Variants in PHKA1 observed in about 807,000 individuals in gnomAD.
PHKA1 encodes phosphorylase b kinase regulatory subunit alpha, skeletal muscle isoform.
A neutral mutation model predicts 110.2 loss-of-function variants in PHKA1; 60 were observed. The ratio of observed to expected loss-of-function variants is 0.54; its 90% CI spans 0.44 to 0.68. The LOEUF (loss-of-function observed/expected upper bound fraction) is 0.68. Ranked by LOEUF, PHKA1 falls within the 30% of genes least tolerant of loss-of-function variation. The pLI is 0.00. For synonymous variants in PHKA1, 316 were observed against 333.6 expected (o/e 0.95, Z 0.58); for missense variants, 801 against 942.5 (o/e 0.85, Z 1.97).
At chrX:72,663,647 T>C (rs2053585716) in intron 8 of PHKA1, among the ~76,000 whole-genome samples, 1 of 106,972 alleles carries the variant, frequency 9.3e-6, no homozygotes, top group Non-Finnish European at 1.9e-5. Context: ...TAAAGTTACA[T>C]ATAAGGGAAT....
At chrX:72,689,242 T>C (rs1201091813) in intron 4 of PHKA1, among the ~76,000 whole-genome samples, 1 of 112,164 alleles carries the variant, frequency 8.9e-6, no homozygotes, top group Admixed American at 9.4e-5. Context: ...TGCACAGTTA[T>C]GCGACCATCA....
intron 12 of PHKA1, among the ~76,000 whole-genome samples, chrX:72,651,472 G>A (rs2053428690): frequency 9.0e-6 from 1 of 111,150 alleles, no homozygotes; most frequent in East Asian, 2.8e-4. Context: ...GGAGGCGGAG[G>A]TTGTGGTGAG....
At position 72,609,718 on chromosome X, in the gene PHKA1, CATA is replaced by C. The variant is rs1436675554; in HGVS notation, c.2527-18_2527-16del. ...TCTGTGCAGGCCTAACAAGAGATAG[CATA>C]ATATTATCGTTTCTGTAACACCTCA... On this transcript the variant is annotated splice_polypyrimidine_tract_variant and intron_variant, in intron 22 of 31. Coordinates refer to ENST00000373542, the MANE Select transcript of PHKA1 (RefSeq NM_002637.4). 2 of 1,135,776 alleles carry C rather than the reference CATA, an allele frequency of 1.8e-6. No homozygotes were observed. The highest frequency in any genetic ancestry group is 2.4e-6 in the Non-Finnish European group (2 of 826,497). 93.6% of individuals were successfully genotyped at this position (1,135,776 alleles called of 1,213,427 possible). A position where few individuals can be genotyped will look rare whatever the true frequency, so the allele number is the denominator to read the frequency against.
intron 7 of PHKA1, among the ~76,000 whole-genome samples, chrX:72,666,827 T>C (rs1556306599): frequency 2.7e-5 from 3 of 112,160 alleles, no homozygotes; most frequent in African/African-American, 9.7e-5. Context: ...TTATATTCAA[T>C]AGGACCCTAT....
intron 4 of PHKA1, among the ~76,000 whole-genome samples, chrX:72,694,171 C>G (rs1369794364): frequency 1.8e-5 from 2 of 111,744 alleles, no homozygotes; most frequent in African/African-American, 3.3e-5. Context: ...CTGTGAAGAT[C>G]TTGCATACTA....
chrX:72,591,154 G>A (rs1556224327), intron 29 of PHKA1, among the ~76,000 whole-genome samples: 1 of 111,738 alleles, frequency 8.9e-6, no homozygotes, highest in Non-Finnish European at 1.9e-5. Context: ...AAAGACTTGG[G>A]ACCAATGCAA....
chrX:72,668,300 G>A (rs782725208), intron 6 of PHKA1, among the ~76,000 whole-genome samples: 1 of 111,876 alleles, frequency 8.9e-6, no homozygotes, highest in African/African-American at 3.2e-5. Context: ...TTCATTTTGA[G>A]TTATTTTGTA....
intron 5 of PHKA1, among the ~76,000 whole-genome samples, chrX:72,677,313 T>G (rs900370807): frequency 3.6e-5 from 4 of 112,325 alleles, no homozygotes; most frequent in African/African-American, 1.3e-4. Flanking sequence ...CCTCATCACT[T>G]GGTTAACGTG....
In PHKA1 at chrX:72,709,231, G is replaced by A. The variant is rs73218383; in HGVS notation, c.237+3548C>T. On this transcript the variant is annotated intron_variant, in intron 2 of 31. Transcript: ENST00000373542. The stretch of plus-strand genomic sequence containing the variant: ...AAAACTTAGCACAAAGAACTGGAGT[G>A]AGGCCCAGAGATGAAGCTGAAATTT... Among the ~76,000 whole-genome samples, 974 of 110,929 alleles carry A rather than the reference G, an allele frequency of 8.8e-3. 8 individuals carry two copies. The highest frequency in any genetic ancestry group is 0.015 in the Non-Finnish European group (821 of 52,970).
intron 28 of PHKA1, among the ~76,000 whole-genome samples, chrX:72,595,097 G>C (rs782340459): frequency 8.9e-6 from 1 of 112,019 alleles, no homozygotes; most frequent in South Asian, 3.7e-4. Context: ...TATACAACAT[G>C]AAGTGGGACT....
intron 10 of PHKA1, among the ~76,000 whole-genome samples, chrX:72,654,891 G>A (rs1434467199): frequency 2.9e-5 from 3 of 102,524 alleles, no homozygotes; most frequent in African/African-American, 1.1e-4. Context: ...TCCGCCTCCC[G>A]GGTTCACGCC....
chrX:72,600,461 T>C (rs190225039), intron 28 of PHKA1, among the ~76,000 whole-genome samples: 2 of 112,413 alleles, frequency 1.8e-5, no homozygotes, highest in East Asian at 5.6e-4. Flanking sequence ...AATGCCAATG[T>C]AACTAACTAT....
chrX:72,638,974 G>A (rs1395818933), intron 14 of PHKA1, among the ~76,000 whole-genome samples: 1 of 111,894 alleles, frequency 8.9e-6, no homozygotes, highest in Admixed American at 9.4e-5. Flanking sequence ...TCTGGCTGTT[G>A]TAATTACTCT....
chrX:72,658,488 G>A (rs890079987), intron 8 of PHKA1, among the ~76,000 whole-genome samples: 1 of 107,409 alleles, frequency 9.3e-6, no homozygotes, highest in Non-Finnish European at 1.9e-5. Flanking sequence ...ACTTTGGTAC[G>A]ATACTATTAA....
chrX:72,648,544 C>T (rs1444455458), intron 13 of PHKA1, among the ~76,000 whole-genome samples: 2 of 111,376 alleles, frequency 1.8e-5, no homozygotes, highest in Non-Finnish European at 3.8e-5. Flanking sequence ...ATTTCCAGTG[C>T]CACCACTCTG....
chrX:72,675,927 T>C, intron 6 of PHKA1, 143 bp downstream of exon 6: 1 of 505,646 alleles, frequency 2.0e-6, no homozygotes, highest in Middle Eastern at 5.1e-4. Context: ...TCCATGGTTC[T>C]ACAGGAGAAT....
chrX:72,600,345 C>T (rs2052643027), intron 28 of PHKA1, among the ~76,000 whole-genome samples: 1 of 111,057 alleles, frequency 9.0e-6, no homozygotes, highest in African/African-American at 3.3e-5. Context: ...ACATGTACTT[C>T]AAGTTGTAAA....
chrX:72,605,373 T>A lies in PHKA1; in HGVS notation c.2713A>T (p.Met905Leu), dbSNP rs1556249279. Residue 905 changes from methionine to leucine, a missense_variant, in exon 25 of 32, where the codon ATG (methionine) becomes TTG (leucine). Met to Leu is a conservative substitution (Grantham distance 15). Coordinates refer to ENST00000373542, the MANE Select transcript of PHKA1 (RefSeq NM_002637.4). ...GCAAAGAGGCCAGGCTGGGTTCGCA[T>A]ATACATGGCTAGATATACCATTATT... ...QEIMVYLAMY[M>L]RTQPGLFAEM... 1 of 1,208,180 alleles carries A rather than the reference T, an allele frequency of 8.3e-7. No homozygotes were observed. The highest frequency in any genetic ancestry group is 1.7e-5 in the African/African-American group (1 of 57,752).
intron 25 of PHKA1, among the ~76,000 whole-genome samples, chrX:72,603,906 T>A (rs2052692040): frequency 9.0e-6 from 1 of 110,761 alleles, no homozygotes; most frequent in Non-Finnish European, 1.9e-5. Context: ...GAGACATCAA[T>A]CTCCAAGGAC....
Sources: allele counts gnomAD v4.1 joint callset (sites outside exome capture counted in the v4.1 genomes callset), GRCh38; gene constraint gnomAD v4.1.1; transcripts MANE v1.5; gene names NCBI Gene and HGNC (gene_info 2026-07-23, HGNC 2026-07-21).